Variants in SHANK2 observed in about 807,000 individuals in gnomAD.
SHANK2 encodes SH3 and multiple ankyrin repeat domains 2.
Under a neutral mutation model 133.7 loss-of-function variants are expected in SHANK2, and 43 were observed. The observed-to-expected ratio is 0.32, with a 90% CI of 0.25 to 0.41. The LOEUF is 0.41. Among genes scored for constraint, SHANK2 ranks in the 10% least tolerant of loss-of-function variants. The pLI is 1.00. For synonymous variants in SHANK2, 1,017 were observed against 952.8 expected, an observed-to-expected ratio of 1.07 and a Z score of -1.24; for missense variants, 1,994 against 2,235.8, an observed-to-expected ratio of 0.89 and a Z score of 2.18.
intron 17 of SHANK2, among the ~76,000 whole-genome samples, chr11:70,633,064 G>T (rs1419207712): frequency 6.6e-6 from 1 of 151,868 alleles, no homozygotes; most frequent in Non-Finnish European, 1.5e-5. Context: ...GGCACAGATG[G>T]GCAACCTGGG....
intron 14 of SHANK2, among the ~76,000 whole-genome samples, chr11:70,781,885 G>A (rs1363258082): frequency 6.6e-6 from 1 of 151,624 alleles, no homozygotes; most frequent in Admixed American, 6.6e-5. Context: ...ATGATAGACT[G>A]GGTTAAGAAA....
rs149495034 is a variant in SHANK2, at chr11:71,149,465, T to C, written c.-12-2127A>G. Among the ~76,000 whole-genome samples the C allele has an allele frequency of 5.2e-3, 785 of 152,296 alleles. 8 individuals carry two copies. Among genetic ancestry groups the C allele is most frequent in the African/African-American group, 0.018 (745 of 41,566 alleles). ...TTGTCGCTTCTCTACAAATGTACTG[T>C]TCCTGCTCTGAGGCACCAACCCAGC... On this transcript the variant is annotated intron_variant, in intron 2 of 25. Coordinates refer to ENST00000601538, the MANE Select transcript of SHANK2 (RefSeq NM_012309.5).
intron 15 of SHANK2, among the ~76,000 whole-genome samples, chr11:70,663,973 T>C (rs1442413930): frequency 1.3e-5 from 2 of 152,322 alleles, no homozygotes; most frequent in East Asian, 3.9e-4. Flanking sequence ...TGGGGTCAGA[T>C]GAGGCCATGC....
intron 14 of SHANK2, among the ~76,000 whole-genome samples, chr11:70,768,794 G>A (rs1034352040): frequency 1.3e-5 from 2 of 152,150 alleles, no homozygotes; most frequent in East Asian, 3.9e-4. Context: ...TGAGGGTGAG[G>A]CCAAGGACTT....
At chr11:70,928,497 AG>A (rs1367080601) in intron 10 of SHANK2, among the ~76,000 whole-genome samples, 3 of 152,316 alleles carry the variant, frequency 2.0e-5, no homozygotes, top group African/African-American at 4.8e-5. Context: ...GATGCAGCAA[AG>A]GGTTTACTGC....
chr11:70,597,215 C>T lies in SHANK2; in HGVS notation c.2061+62613G>A, dbSNP rs78191448. 2.0e-3 allele frequency among the ~76,000 whole-genome samples: 299 copies of T among 152,210 alleles called. 8 individuals carry two copies. The East Asian group carries it at 0.042, about 21-fold the overall frequency. ...CACTCATGCCAGGCTCAGCACCCGC[C>T]GCCAGGGGAAACTCCTCCCTGTCCC... On this transcript the variant is annotated intron_variant, in intron 17 of 25. Coordinates refer to ENST00000601538, the MANE Select transcript of SHANK2 (RefSeq NM_012309.5).
Position 70,911,210 on chromosome 11 carries a change from G to T in SHANK2, c.1108-14643C>A, listed in dbSNP as rs370198811. The T allele has an allele frequency of 6.7e-4, 304 of 456,140 alleles. 1 individual carries two copies. Among genetic ancestry groups the T allele is most frequent in the East Asian group, 1.7e-3 (24 of 14,380 alleles). 28.3% of individuals were successfully genotyped at this position (456,140 alleles called of 1,614,324 possible). On this transcript the variant is annotated intron_variant, in intron 10 of 25. Transcript: ENST00000601538. ...AGCACAGAGTTGGATGAGTTTTTTT[G>T]TTGTTGTTGTTCTTTTTGTTTTGTT... is the stretch of plus-strand genomic sequence containing the variant.
At chr11:70,664,911 A>G (rs1239181946) in intron 15 of SHANK2, among the ~76,000 whole-genome samples, 1 of 152,156 alleles carries the variant, frequency 6.6e-6, no homozygotes, top group Non-Finnish European at 1.5e-5. Flanking sequence ...AAATGAGAAC[A>G]ACAAGATGCA....
At chr11:71,229,336 C>T (rs1954697858) in intron 1 of SHANK2, among the ~76,000 whole-genome samples, 1 of 152,140 alleles carries the variant, frequency 6.6e-6, no homozygotes, top group Admixed American at 6.6e-5. Flanking sequence ...CATAAAACCC[C>T]AAAACCTCCT....
chr11:70,784,964 G>A (rs1006704767), intron 14 of SHANK2, among the ~76,000 whole-genome samples: 5 of 152,226 alleles, frequency 3.3e-5, no homozygotes, highest in African/African-American at 1.2e-4. Context: ...GACACGAGGT[G>A]CCACTTTCAG....
intron 10 of SHANK2, among the ~76,000 whole-genome samples, chr11:70,945,320 C>A (rs1379238607): frequency 1.3e-5 from 2 of 152,094 alleles, no homozygotes; most frequent in African/African-American, 4.8e-5. Flanking sequence ...AAAGTGGAGG[C>A]CTGGGAGGCT....
intron 14 of SHANK2, among the ~76,000 whole-genome samples, chr11:70,753,044 T>C (rs1406773332): frequency 1.3e-5 from 2 of 151,124 alleles, no homozygotes; most frequent in African/African-American, 2.4e-5. Flanking sequence ...ACCCAGGAGA[T>C]GGAGGTTGCA....
Position 70,618,486 on chromosome 11 carries a change from C to A in SHANK2, c.2061+41342G>T, listed in dbSNP as rs534297562. ...ACGTTCTAGAATCCCAGGGCCACCC[C>A]GCCCTAGGTTCCAATGAATGGCCCC... On this transcript the variant is annotated intron_variant, in intron 17 of 25. Transcript: ENST00000601538. Among the ~76,000 whole-genome samples, 155 of 152,250 alleles carry A rather than the reference C, an allele frequency of 1.0e-3. 2 individuals carry two copies. Among genetic ancestry groups the A allele is most frequent in the African/African-American group, 3.6e-3 (151 of 41,552 alleles).
At chr11:70,845,957 C>G (rs1020272391) in intron 11 of SHANK2, among the ~76,000 whole-genome samples, 1 of 152,152 alleles carries the variant, frequency 6.6e-6, no homozygotes, top group Non-Finnish European at 1.5e-5. Flanking sequence ...ACCCCAGAGA[C>G]GCTGTTCCCC....
At chr11:70,835,903 C>A (rs1481621973) in intron 11 of SHANK2, among the ~76,000 whole-genome samples, 1 of 152,134 alleles carries the variant, frequency 6.6e-6, no homozygotes. Flanking sequence ...AGAGTGGGCT[C>A]CCTCTCGGAC....
intron 14 of SHANK2, among the ~76,000 whole-genome samples, chr11:70,702,081 C>G (rs578137776): frequency 6.6e-6 from 1 of 151,526 alleles, no homozygotes; most frequent in Admixed American, 6.6e-5. Flanking sequence ...ACATCATCAC[C>G]GCCATCATCA....
chr11:70,897,599 G>A (rs1949955072), intron 10 of SHANK2, among the ~76,000 whole-genome samples: 1 of 152,174 alleles, frequency 6.6e-6, no homozygotes, highest in Non-Finnish European at 1.5e-5. Context: ...TGCCAGGAGT[G>A]GGGTGTGGCT....
chr11:70,953,474 G>T (rs1312391724), intron 10 of SHANK2, among the ~76,000 whole-genome samples: 1 of 152,086 alleles, frequency 6.6e-6, no homozygotes, highest in Non-Finnish European at 1.5e-5. Context: ...GTCTGTGGTC[G>T]AAGGACCAAG....
At chr11:71,146,458 G>C (rs1952647321) in intron 3 of SHANK2, among the ~76,000 whole-genome samples, 1 of 144,044 alleles carries the variant, frequency 6.9e-6, no homozygotes, top group African/African-American at 2.6e-5. Flanking sequence ...CAGTTCCCAG[G>C]GGCCAACCTC....
Sources: gnomAD v4.1 joint callset for allele counts (sites outside exome capture counted in the v4.1 genomes callset) on GRCh38, gnomAD v4.1.1 for gene constraint, MANE v1.5 for transcripts, NCBI Gene and HGNC (gene_info 2026-07-23, HGNC 2026-07-21) for gene names.